MED6: variants seen among roughly 807,000 people sequenced by gnomAD.
The protein encoded by MED6 is mediator of RNA polymerase II transcription subunit 6.
In MED6, 33 loss-of-function variants were observed where a neutral mutation model predicts 37.5. The observed-to-expected ratio is 0.88, with a 90% confidence interval of 0.67 to 1.18. The LOEUF (loss-of-function observed/expected upper bound fraction) is 1.18. Among genes scored for constraint, MED6 ranks in the 50% most tolerant of loss-of-function variants. MED6 has a pLI of 0.00. For missense variants in MED6, 235 were observed against 290.6 expected (o/e 0.81, Z 1.39); for synonymous variants, 94 against 93.6 (o/e 1.00, Z -0.02).
intron 1 of MED6, among the ~76,000 whole-genome samples, chr14:70,599,892 T>C (rs1420119470): frequency 6.6e-6 from 1 of 152,122 alleles, no homozygotes; most frequent in Non-Finnish European, 1.5e-5. Context: ...ATGAGAATAT[T>C]TGTAATAAAT....
At chr14:70,591,435 A>T (rs887038160) in intron 5 of MED6, 54 bp from the exon 6 acceptor site, 1 of 1,376,666 alleles carries the variant, frequency 7.3e-7, no homozygotes, top group Non-Finnish European at 1.0e-6. Flanking sequence ...TTGGTGTCTC[A>T]TATTTTACAA....
At chr14:70,595,276 C>T (rs186722640) in intron 3 of MED6, 29 of 547,636 alleles carry the variant, frequency 5.3e-5, no homozygotes, top group African/African-American at 5.2e-4. Context: ...CTCAGGACCT[C>T]GCCAAGATCA....
At chr14:70,586,953 C>CT (rs1312851121) in intron 6 of MED6, among the ~76,000 whole-genome samples, 2 of 152,206 alleles carry the variant, frequency 1.3e-5, no homozygotes, top group African/African-American at 4.8e-5. Flanking sequence ...CCACCATTCC[C>CT]TGGTAATAGT....
chr14:70,583,867 G>C lies in MED6; in HGVS notation c.*946C>G, dbSNP rs1296340871. On this transcript the variant is annotated 3_prime_UTR_variant, in exon 8 of 8. Transcript: ENST00000256379. The stretch of plus-strand genomic sequence containing the variant: ...GCCATGAGATACCCTGTGCTGCCTA[G>C]GGACTTTGCAGACTTCCTACCAGCA... 1.0e-5 allele frequency: 4 copies of C among 384,804 alleles called. No homozygotes were observed. In the East Asian group the frequency reaches 1.1e-4, roughly 11 times the overall value. The allele number at this position is 384,804 out of a possible 1,614,324, so 23.8% of individuals were successfully genotyped here. A position where few individuals can be genotyped will look rare whatever the true frequency, so the allele number is the denominator to read the frequency against.
At chr14:70,600,029 A>G (rs1320791757) in intron 1 of MED6, among the ~76,000 whole-genome samples, 1 of 152,202 alleles carries the variant, frequency 6.6e-6, no homozygotes, top group African/African-American at 2.4e-5. Context: ...TTAAGGGGTG[A>G]CATCTCCATA....
intron 3 of MED6, among the ~76,000 whole-genome samples, chr14:70,593,855 A>T (rs2139598599): frequency 6.6e-6 from 1 of 152,302 alleles, no homozygotes; most frequent in African/African-American, 2.4e-5. Context: ...AAAGATATCA[A>T]ATGCAATGAG....
chr14:70,592,975 T>C lies in MED6; in HGVS notation c.371A>G (p.His124Arg). 1 of 1,613,830 alleles carries C rather than the reference T, an allele frequency of 6.2e-7. No individual in the cohort carries two copies. Among genetic ancestry groups the C allele is most frequent in the Non-Finnish European group, 8.5e-7 (1 of 1,179,944 alleles). The change falls in exon 5 of 8, where the codon CAT (histidine) becomes CGT (arginine). Residue 124 changes from histidine to arginine, a missense_variant. Coordinates refer to ENST00000256379, the MANE Select transcript of MED6 (RefSeq NM_005466.4). ...TTCATCAAAAGCTGACTGAATACCA[T>C]GCACTGCAGTAAGCTTGTAAAAGGA... ...VINSRVLTAV[H>R]GIQSAFDEAM... is the part of the protein sequence containing the mutation.
intron 6 of MED6, among the ~76,000 whole-genome samples, chr14:70,589,494 TAGA>T (rs1489715695): frequency 6.6e-6 from 1 of 152,212 alleles, no homozygotes; most frequent in African/African-American, 2.4e-5. Flanking sequence ...GAAGATGAGA[TAGA>T]GGAGTTTTTA....
At chr14:70,590,088 A>G (rs1281781256) in intron 6 of MED6, among the ~76,000 whole-genome samples, 1 of 152,230 alleles carries the variant, frequency 6.6e-6, no homozygotes, top group African/African-American at 2.4e-5. Flanking sequence ...CAAGTCTGAA[A>G]TCCAGTATGT....
At chr14:70,594,048 G>GT (rs1423339728) in intron 3 of MED6, among the ~76,000 whole-genome samples, 1 of 152,168 alleles carries the variant, frequency 6.6e-6, no homozygotes, top group Non-Finnish European at 1.5e-5. Flanking sequence ...CTTTGATTTT[G>GT]TAACTGATTT....
Position 70,588,042 on chromosome 14 carries a change from G to A in MED6, c.583-2259C>T, listed in dbSNP as rs540554506. Among the ~76,000 whole-genome samples the A allele has an allele frequency of 6.6e-5, 10 of 152,308 alleles. No homozygotes were observed. In the East Asian group the frequency reaches 9.6e-4, roughly 15 times the overall value. On this transcript the variant is annotated intron_variant, in intron 6 of 7. Transcript: ENST00000256379. The stretch of plus-strand genomic sequence containing the variant: ...AGGAATACCTGCTGTATCCTTATCC[G>A]AACTACAGGTAGTTCTGGAGGATGC...
At chr14:70,598,197 G>C (rs897305258) in intron 1 of MED6, among the ~76,000 whole-genome samples, 1 of 152,244 alleles carries the variant, frequency 6.6e-6, no homozygotes, top group Admixed American at 6.5e-5. Flanking sequence ...GGGAGACTGA[G>C]ACAGGAGAAT....
intron 3 of MED6, chr14:70,595,658 G>A (rs2139601371): frequency 2.1e-6 from 2 of 958,904 alleles, no homozygotes; most frequent in East Asian, 5.2e-5. Flanking sequence ...TCAAGCTGTA[G>A]GCTGAGATCA....
Position 70,599,929 on chromosome 14 carries a change from T to TA in MED6, c.22+686dup, listed in dbSNP as rs1189945777. Among the ~76,000 whole-genome samples the TA allele has an allele frequency of 5.3e-5, 8 of 151,904 alleles. No individual in the cohort carries two copies. The South Asian group carries it at 8.4e-4, about 16-fold the overall frequency. On this transcript the variant is annotated intron_variant, in intron 1 of 7. Transcript: ENST00000256379. Reference sequence around the variant, plus strand: ...TGTTAGACCCCAATCCAGTTAATATTAAAAAAAGGCATCTCAAACATCTCC... The same window carrying TA: ...TGTTAGACCCCAATCCAGTTAATATTAAAAAAAAGGCATCTCAAACATCTCC...
chr14:70,593,411 A>T (rs1330928023), intron 3 of MED6, 33 bp from the exon 4 acceptor site: 2 of 1,451,742 alleles, frequency 1.4e-6, no homozygotes, highest in Non-Finnish European at 1.9e-6. Flanking sequence ...TTATAAATAC[A>T]GCTATGGACA....
chr14:70,585,785 T>A lies in MED6; in HGVS notation c.583-2A>T. ...AACAGGCTTTTCTCCAGGCTTTAGCTATAATTTTTTAGAAAAAAGGGAGGG... is the reference window on the plus strand; with the variant it reads ...AACAGGCTTTTCTCCAGGCTTTAGCAATAATTTTTTAGAAAAAAGGGAGGG... On this transcript the variant is annotated splice_acceptor_variant, in intron 6 of 7. Transcript: ENST00000256379. LOFTEE classifies it high-confidence loss of function. 1 of 1,600,636 alleles carries A rather than the reference T, an allele frequency of 6.2e-7. No individual in the cohort carries two copies. The highest frequency in any genetic ancestry group is 1.1e-5 in the South Asian group (1 of 87,716).
intron 7 of MED6, among the ~76,000 whole-genome samples, chr14:70,585,177 A>G (rs1737879700): frequency 6.6e-6 from 1 of 152,226 alleles, no homozygotes; most frequent in South Asian, 2.1e-4. Flanking sequence ...TAAGTAAGAC[A>G]GTATGTAAAA....
intron 6 of MED6, 65 bp downstream of exon 6, chr14:70,591,197 CAATT>C (rs1884859386): frequency 8.4e-7 from 1 of 1,184,650 alleles, no homozygotes; most frequent in African/African-American, 1.6e-5. Flanking sequence ...AAACAGTTCT[CAATT>C]AAAAATTAAT....
At position 70,593,430 on chromosome 14, in the gene MED6, T is replaced by C. The variant is rs759777828; in HGVS notation, c.275-52A>G. ...AAATACAGCTATGGACACAAACTGCTAAACAGATTCTCATAAAAAGAAATA... is the reference window on the plus strand; with the variant it reads ...AAATACAGCTATGGACACAAACTGCCAAACAGATTCTCATAAAAAGAAATA... On this transcript the variant is annotated intron_variant, in intron 3 of 7. Coordinates refer to ENST00000256379, the MANE Select transcript of MED6 (RefSeq NM_005466.4). The C allele has an allele frequency of 2.2e-5, 29 of 1,303,896 alleles. No homozygotes were observed. The South Asian group carries it at 3.3e-4, about 15-fold the overall frequency. The allele number at this position is 1,303,896 out of a possible 1,614,324, so 80.8% of individuals were successfully genotyped here. A position where few individuals can be genotyped will look rare whatever the true frequency, so the allele number is the denominator to read the frequency against.
Sources: allele counts gnomAD v4.1 joint callset (sites outside exome capture counted in the v4.1 genomes callset), GRCh38; gene constraint gnomAD v4.1.1; transcripts MANE v1.5; gene names NCBI Gene and HGNC (gene_info 2026-07-23, HGNC 2026-07-21).